The following EPHB1 variants were observed in gnomAD, a reference collection of about 807,000 sequenced individuals.
EPHB1 encodes ephrin type-B receptor 1.
In EPHB1, 30 loss-of-function variants were observed where a neutral mutation model predicts 94.4. That is an observed-to-expected ratio of 0.32 (90% CI 0.24 to 0.43). The LOEUF is 0.43. EPHB1 is among the 20% of genes least tolerant of loss of function. The pLI, the probability that EPHB1 is intolerant of heterozygous loss-of-function variation, is 1.00. For missense variants in EPHB1, 1,055 were observed against 1,308.3 expected (o/e 0.81, Z 2.99); for synonymous variants, 522 against 489.1 (o/e 1.07, Z -0.89).
intron 9 of EPHB1, among the ~76,000 whole-genome samples, chr3:135,175,404 T>C (rs1223610717): frequency 2.0e-5 from 3 of 152,224 alleles, no homozygotes; most frequent in Admixed American, 6.5e-5. Flanking sequence ...TGGTTCATGT[T>C]TAAGATTTTA....
At chr3:135,236,045 T>C (rs1306953950) in intron 12 of EPHB1, among the ~76,000 whole-genome samples, 1 of 152,230 alleles carries the variant, frequency 6.6e-6, no homozygotes, top group African/African-American at 2.4e-5. Flanking sequence ...ATATACTCAA[T>C]GTATTAGTTT....
At chr3:135,191,267 C>G (rs955401254) in intron 10 of EPHB1, among the ~76,000 whole-genome samples, 3 of 152,182 alleles carry the variant, frequency 2.0e-5, no homozygotes, top group Non-Finnish European at 4.4e-5. Context: ...TAACCAGCCT[C>G]TACTCCAGCC....
At chr3:134,889,546 C>G (rs188770321) in intron 1 of EPHB1, among the ~76,000 whole-genome samples, 1 of 152,258 alleles carries the variant, frequency 6.6e-6, no homozygotes, top group East Asian at 1.9e-4. Context: ...ATTAATCAGT[C>G]TCTTTTTATA....
intron 1 of EPHB1, among the ~76,000 whole-genome samples, chr3:134,834,625 C>A (rs113943810): frequency 0.035 from 5,393 of 152,264 alleles, 294 homozygotes; most frequent in African/African-American, 0.12. Flanking sequence ...TGGCCCCCTC[C>A]AGCTACTTCT....
At chr3:134,869,565 G>A (rs145840118) in intron 1 of EPHB1, among the ~76,000 whole-genome samples, 1 of 152,324 alleles carries the variant, frequency 6.6e-6, no homozygotes, top group East Asian at 1.9e-4. Context: ...CTGAGTGATT[G>A]GAGGCCATTC....
At chr3:135,182,851 T>C (rs1942193947) in intron 10 of EPHB1, among the ~76,000 whole-genome samples, 1 of 152,160 alleles carries the variant, frequency 6.6e-6, no homozygotes, top group African/African-American at 2.4e-5. Context: ...TAGCCCCATG[T>C]TTAGTGACAC....
chr3:135,211,223 C>T (rs1169227159), intron 12 of EPHB1, among the ~76,000 whole-genome samples: 1 of 152,200 alleles, frequency 6.6e-6, no homozygotes, highest in Non-Finnish European at 1.5e-5. Context: ...TAACCATCCA[C>T]TCCCACTGCT....
intron 5 of EPHB1, among the ~76,000 whole-genome samples, chr3:135,151,617 G>A (rs1941197950): frequency 6.6e-6 from 1 of 152,046 alleles, no homozygotes; most frequent in Admixed American, 6.5e-5. Flanking sequence ...ATTTTATTTT[G>A]TTCACTATGG....
chr3:135,162,847 G>T (rs1450225212), intron 7 of EPHB1, among the ~76,000 whole-genome samples: 1 of 152,188 alleles, frequency 6.6e-6, no homozygotes, highest in Non-Finnish European at 1.5e-5. Flanking sequence ...TGATTTCCCA[G>T]TAGCCTCAGC....
At chr3:135,116,129 G>A (rs553819513) in intron 4 of EPHB1, among the ~76,000 whole-genome samples, 1 of 152,166 alleles carries the variant, frequency 6.6e-6, no homozygotes, top group African/African-American at 2.4e-5. Context: ...CAGGATAATC[G>A]CTTGAACCCA....
chr3:135,115,351 T>G (rs943677597), intron 4 of EPHB1, among the ~76,000 whole-genome samples: 2 of 152,196 alleles, frequency 1.3e-5, no homozygotes, highest in Non-Finnish European at 2.9e-5. Context: ...ACAGCTCAGC[T>G]TCTTCAATAT....
intron 1 of EPHB1, among the ~76,000 whole-genome samples, chr3:134,842,158 C>G (rs2036789051): frequency 6.6e-6 from 1 of 152,174 alleles, no homozygotes. Flanking sequence ...AGCTAACTTG[C>G]TCCTTCCACC....
At chr3:135,062,807 TTA>T (rs1253563389) in intron 3 of EPHB1, among the ~76,000 whole-genome samples, 4 of 152,246 alleles carry the variant, frequency 2.6e-5, no homozygotes, top group Non-Finnish European at 5.9e-5. Context: ...TCCAGGATTT[TTA>T]TAGTTTCAGG....
chr3:134,914,123 C>T (rs1468590197), intron 1 of EPHB1, among the ~76,000 whole-genome samples: 1 of 152,166 alleles, frequency 6.6e-6, no homozygotes, highest in African/African-American at 2.4e-5. Flanking sequence ...TGGAGCCAGG[C>T]TTTCAGGGCC....
In EPHB1 at chr3:134,807,826, C is replaced by T. The variant is rs151234600; in HGVS notation, c.58+12137C>T. Among the ~76,000 whole-genome samples the T allele has an allele frequency of 2.3e-3, 354 of 152,290 alleles. 1 individual carries two copies. The highest frequency in any genetic ancestry group is 3.8e-3 in the Non-Finnish European group (259 of 68,032). On this transcript the variant is annotated intron_variant, in intron 1 of 15. Coordinates refer to ENST00000398015, the MANE Select transcript of EPHB1 (RefSeq NM_004441.5). ...AGTGGGAAGCCGATACTCCCCAAAG[C>T]TCTCAGAACCTAGCAAGAGCCACAG...
intron 1 of EPHB1, among the ~76,000 whole-genome samples, chr3:134,816,451 A>G (rs2036275390): frequency 6.6e-6 from 1 of 151,546 alleles, no homozygotes; most frequent in Non-Finnish European, 1.5e-5. Context: ...TTTGAATTCC[A>G]CCTCTGACAC....
In EPHB1 at chr3:135,178,225, G is replaced by GGT. The variant is rs1005635188; in HGVS notation, c.1760-1634_1760-1633insTG. ...TCCCAGCACTTTGGGAGGCCGGGGA[G>GGT]GGGGGGTGGATCATGAGGTCGGGAG... On this transcript the variant is annotated intron_variant, in intron 9 of 15. Transcript: ENST00000398015. Among the ~76,000 whole-genome samples the GGT allele has an allele frequency of 6.2e-5, 3 of 48,360 alleles. 1 individual carries two copies. The highest frequency in any genetic ancestry group is 2.1e-3 in the East Asian group (1 of 486). The allele number at this position is 48,360 out of a possible 152,430, so 31.7% of individuals were successfully genotyped here. A position where few individuals can be genotyped will look rare whatever the true frequency, so the allele number is the denominator to read the frequency against.
chr3:135,053,049 A>ATATATATATG (rs1208348401), intron 3 of EPHB1, among the ~76,000 whole-genome samples: 6 of 136,814 alleles, frequency 4.4e-5, no homozygotes, highest in Admixed American at 7.4e-5. Flanking sequence ...ATATATATAT[A>ATATATATATG]TATATAAAGT....
intron 10 of EPHB1, among the ~76,000 whole-genome samples, chr3:135,189,536 T>C (rs1942407287): frequency 6.6e-6 from 1 of 152,262 alleles, no homozygotes; most frequent in African/African-American, 2.4e-5. Flanking sequence ...CCTGCACTTT[T>C]ACTTTGCACC....
Sources: allele counts gnomAD v4.1 joint callset (sites outside exome capture counted in the v4.1 genomes callset), GRCh38; gene constraint gnomAD v4.1.1; transcripts MANE v1.5; gene names NCBI Gene and HGNC (gene_info 2026-07-23, HGNC 2026-07-21).